The following USP29 variants were observed in gnomAD, a reference collection of about 807,000 sequenced individuals.
USP29 encodes ubiquitin carboxyl-terminal hydrolase 29.
For synonymous variants in USP29, 386 were observed against 387.4 expected (o/e 1.00, Z 0.04); for missense variants, 1,102 against 1,069.0 (o/e 1.03, Z -0.43).
chr19:57,131,425 CT>C lies in USP29; in HGVS notation c.2753del (p.Leu918CysfsTer42). On this transcript the variant is annotated frameshift_variant, in exon 4 of 4. Transcript: ENST00000254181. LOFTEE classifies it high-confidence loss of function. ...CCTCAGGGGGAATACGAAGGTGACT[CT>C]TTGTACAGACCTGCTTGACAGACTC... ...VIPQGEYEGD[S>X]LYRPA 1 of 1,612,256 alleles carries C rather than the reference CT, an allele frequency of 6.2e-7. No individual in the cohort carries two copies. Among genetic ancestry groups the C allele is most frequent in the Non-Finnish European group, 8.5e-7 (1 of 1,179,248 alleles).
chr19:57,125,249 A>T (rs2086817794), intron 3 of USP29, among the ~76,000 whole-genome samples: 1 of 152,044 alleles, frequency 6.6e-6, no homozygotes, highest in Admixed American at 6.6e-5. Flanking sequence ...GTTTGTTATG[A>T]TTTCCGTTCT....
rs766428431 is a variant in USP29, at chr19:57,130,725, G to A, written c.2050G>A (p.Glu684Lys). 5.0e-6 allele frequency: 8 copies of A among 1,614,044 alleles called. No individual in the cohort carries two copies. The highest frequency in any genetic ancestry group is 2.2e-5 in the South Asian group (2 of 91,086). The change falls in exon 4 of 4, where the codon GAG (glutamate) becomes AAG (lysine). Residue 684 changes from glutamate to lysine, a missense_variant. Glu to Lys is a moderately conservative substitution (Grantham distance 56, BLOSUM62 1). Transcript: ENST00000254181. The stretch of plus-strand genomic sequence containing the variant: ...AAGGCTTGTCGAGGTTCATCTTCAA[G>A]AGGTGCCTCAACATCCAGAACTTCA... ...DTRLVEVHLQ[E>K]VPQHPELQKY...
chr19:57,125,512 T>C (rs781268343), intron 3 of USP29, among the ~76,000 whole-genome samples: 8 of 152,048 alleles, frequency 5.3e-5, no homozygotes, highest in Non-Finnish European at 1.5e-5. Context: ...CCTTTACCAT[T>C]ATGTAATGCC....
upstream of USP29, among the ~76,000 whole-genome samples, chr19:57,119,524 G>A (rs1173624168): frequency 4.6e-5 from 7 of 152,154 alleles, no homozygotes; most frequent in Non-Finnish European, 1.0e-4. Context: ...CCGGGTTCAA[G>A]CGATTCTCCT....
At chr19:57,127,346 C>A (rs1382221038) in intron 3 of USP29, among the ~76,000 whole-genome samples, 1 of 152,184 alleles carries the variant, frequency 6.6e-6, no homozygotes, top group Non-Finnish European at 1.5e-5. Flanking sequence ...AGCCAGCAGG[C>A]AGAAAAGATT....
chr19:57,121,675 CAT>C (rs1030287602), intron 1 of USP29, among the ~76,000 whole-genome samples: 50 of 146,112 alleles, frequency 3.4e-4, no homozygotes, highest in African/African-American at 1.1e-3. Flanking sequence ...TATATACTTA[CAT>C]ATGTTATATG....
In USP29 at chr19:57,130,116, G is replaced by T; in HGVS notation, c.1441G>T (p.Glu481Ter). ...TTTAGATCTTTTCTTTAAAGAAGAA[G>T]AGCTTGAATATAACTGTCAGATGTG... ...NSLDLFFKEEELEYNCQMCKQ... is the reference protein window; with the variant it reads ...NSLDLFFKEE Residue 481 changes from glutamate to a stop codon, truncating the protein, a stop_gained, in exon 4 of 4, where the codon GAG becomes TAG. Coordinates refer to ENST00000254181, the MANE Select transcript of USP29 (RefSeq NM_020903.3). LOFTEE classifies it low-confidence loss of function (END_TRUNC). The T allele has an allele frequency of 6.2e-7, 1 of 1,613,722 alleles. No individual in the cohort carries two copies. The highest frequency in any genetic ancestry group is 8.5e-7 in the Non-Finnish European group (1 of 1,179,948).
In USP29 at chr19:57,130,953, G is replaced by A; in HGVS notation, c.2278G>A (p.Ala760Thr). ...ACCTCCAGGTGTTAGGAAGCTGGAT[G>A]CCCAGGAACATACAGAAGAGACCCT... is the stretch of plus-strand genomic sequence containing the variant. Reference protein sequence around the residue: ...APPPGVRKLDAQEHTEETLNQ... With the variant: ...APPPGVRKLDTQEHTEETLNQ... The change falls in exon 4 of 4, where the codon GCC becomes ACC. Residue 760 changes from alanine to threonine, a missense_variant. Ala to Thr is a moderately conservative substitution (Grantham distance 58). Transcript: ENST00000254181. 1 of 1,614,162 alleles carries A rather than the reference G, an allele frequency of 6.2e-7. No homozygotes were observed. Among genetic ancestry groups the A allele is most frequent in the Non-Finnish European group, 8.5e-7 (1 of 1,180,034 alleles).
At chr19:57,120,937 T>C (rs1258745016) in intron 1 of USP29, among the ~76,000 whole-genome samples, 2 of 146,650 alleles carry the variant, frequency 1.4e-5, no homozygotes, top group Non-Finnish European at 3.0e-5. Flanking sequence ...CTACTAAAAA[T>C]ACAAAAAATT....
chr19:57,130,278 T>C lies in USP29; in HGVS notation c.1603T>C (p.Leu535=), dbSNP rs762887513. The C allele has an allele frequency of 3.1e-6, 5 of 1,613,952 alleles. No homozygotes were observed. The highest frequency in any genetic ancestry group is 2.7e-5 in the African/African-American group (2 of 74,928). ...NNEQVYIPKS[L]SLSSYCNEST... is the part of the protein sequence containing the mutation. ...CGAGCAAGTTTATATTCCCAAATCT[T>C]TAAGTTTATCTTCTTATTGCAATGA... The change falls in exon 4 of 4, where the codon TTA becomes CTA. Residue 535 remains leucine (L), a synonymous_variant. Coordinates refer to ENST00000254181, the MANE Select transcript of USP29 (RefSeq NM_020903.3).
chr19:57,129,516 C>T lies in USP29; in HGVS notation c.841C>T (p.Gln281Ter). 1.2e-6 allele frequency: 2 copies of T among 1,614,224 alleles called. No homozygotes were observed. Among genetic ancestry groups the T allele is most frequent in the African/African-American group, 1.3e-5 (1 of 75,064 alleles). ...KAQVPLDSHS[Q>*]QLQQGFPNLG... is the part of the protein sequence containing the mutation. ...CCAGGTGCCTCTTGACTCTCATTCACAGCAACTGCAGCAGGGGTTCCCCAA... is the reference window on the plus strand; with the variant it reads ...CCAGGTGCCTCTTGACTCTCATTCATAGCAACTGCAGCAGGGGTTCCCCAA... The change falls in exon 4 of 4, where the codon CAG becomes TAG. Residue 281 changes from glutamine (Q) to a stop codon, truncating the protein, a stop_gained. Coordinates refer to ENST00000254181, the MANE Select transcript of USP29 (RefSeq NM_020903.3). LOFTEE classifies it low-confidence loss of function (END_TRUNC).
Position 57,129,180 on chromosome 19 carries a change from G to A in USP29, c.505G>A (p.Gly169Arg), listed in dbSNP as rs749913672. 5.6e-6 allele frequency: 9 copies of A among 1,613,376 alleles called. No individual in the cohort carries two copies. The highest frequency in any genetic ancestry group is 7.6e-6 in the Non-Finnish European group (9 of 1,179,712). The change falls in exon 4 of 4, where the codon GGG (glycine) becomes AGG (arginine). Residue 169 changes from glycine to arginine, a missense_variant. By Grantham distance (125) the Gly-to-Arg change is moderately radical. Coordinates refer to ENST00000254181, the MANE Select transcript of USP29 (RefSeq NM_020903.3). ...KGILENQGGK[G>R]QNTLSSDVQT... The stretch of plus-strand genomic sequence containing the variant: ...GATATTAGAAAATCAAGGTGGGAAG[G>A]GGCAAAACACACTATCATCTGATGT...
Position 57,131,559 on chromosome 19 carries a change from C to A in USP29, c.*115C>A. On this transcript the variant is annotated 3_prime_UTR_variant, in exon 4 of 4. Transcript: ENST00000254181. ...GAACAAGTATCTCAGGATGAAATCT[C>A]AATGAAAAACACTTATTTTGGGGGA... is the stretch of plus-strand genomic sequence containing the variant. 6.9e-7 allele frequency: 1 copy of A among 1,445,138 alleles called. No individual in the cohort carries two copies. Among genetic ancestry groups the A allele is most frequent in the Non-Finnish European group, 9.2e-7 (1 of 1,084,138 alleles). 89.5% of individuals were successfully genotyped at this position (1,445,138 alleles called of 1,614,324 possible).
chr19:57,131,403 CA>C lies in USP29; in HGVS notation c.2729del (p.Gln910ArgfsTer50). The C allele has an allele frequency of 6.2e-7, 1 of 1,613,908 alleles. No individual in the cohort carries two copies. The highest frequency in any genetic ancestry group is 8.5e-7 in the Non-Finnish European group (1 of 1,179,950). The stretch of plus-strand genomic sequence containing the variant: ...TAGCACACAGGCAGGGGTGATCCCT[CA>C]GGGGGAATACGAAGGTGACTCTTTG... ...LPSTQAGVIP[Q>X]GEYEGDSLYR... On this transcript the variant is annotated frameshift_variant, in exon 4 of 4. Coordinates refer to ENST00000254181, the MANE Select transcript of USP29 (RefSeq NM_020903.3). LOFTEE classifies it low-confidence loss of function (END_TRUNC).
Position 57,129,043 on chromosome 19 carries a change from G to A in USP29, c.368G>A (p.Arg123Lys), listed in dbSNP as rs1436817694. 6.2e-7 allele frequency: 1 copy of A among 1,613,296 alleles called. No individual in the cohort carries two copies. The highest frequency in any genetic ancestry group is 8.5e-7 in the Non-Finnish European group (1 of 1,179,810). The change falls in exon 4 of 4, where the codon AGG becomes AAG. Residue 123 changes from arginine (R) to lysine (K), a missense_variant. Transcript: ENST00000254181. ...SDDDWSVFES[R>K]NMLKEIDKTS... ...GATGATTGGAGTGTGTTTGAAAGCA[G>A]GAATATGCTGAAGGAAATTGACAAA...
At chr19:57,121,788 A>C (rs2086799004) in intron 1 of USP29, among the ~76,000 whole-genome samples, 1 of 150,558 alleles carries the variant, frequency 6.6e-6, no homozygotes, top group African/African-American at 2.4e-5. Flanking sequence ...GGTAAACATT[A>C]AGTGGAGTAA....
upstream of USP29, among the ~76,000 whole-genome samples, chr19:57,119,599 T>A (rs1332812316): frequency 6.6e-6 from 1 of 152,152 alleles, no homozygotes; most frequent in African/African-American, 2.4e-5. Flanking sequence ...ATTTTTGTAT[T>A]TTTAGTAGAG....
In USP29 at chr19:57,130,400, C is replaced by T. The variant is rs760230585; in HGVS notation, c.1725C>T (p.Ser575=). The T allele has an allele frequency of 6.2e-7, 1 of 1,614,150 alleles. No individual in the cohort carries two copies. The highest frequency in any genetic ancestry group is 8.5e-7 in the Non-Finnish European group (1 of 1,180,020). Residue 575 remains serine (S), a synonymous_variant, in exon 4 of 4, where the codon AGC becomes AGT. Transcript: ENST00000254181. The stretch of plus-strand genomic sequence containing the variant: ...AGGAGATGATTTCTGAGATCAACAG[C>T]CCATTGACACCATCAATGAAGCTGA... ...VSQEMISEIN[S]PLTPSMKLTS... is the part of the protein sequence containing the mutation.
intron 3 of USP29, among the ~76,000 whole-genome samples, chr19:57,126,735 A>G (rs1173158205): frequency 6.6e-6 from 1 of 151,916 alleles, no homozygotes; most frequent in African/African-American, 2.4e-5. Flanking sequence ...GTTTGTTATT[A>G]CCCACCTTCT....
Sources: gnomAD v4.1 joint callset for allele counts (sites outside exome capture counted in the v4.1 genomes callset) on GRCh38, gnomAD v4.1.1 for gene constraint, MANE v1.5 for transcripts, NCBI Gene and HGNC (gene_info 2026-07-23, HGNC 2026-07-21) for gene names.